Variants in RAF1 observed in about 807,000 individuals in gnomAD.
RAF1 encodes the protein Raf-1 proto-oncogene, serine/threonine kinase, also known as RAF proto-oncogene serine/threonine-protein kinase.
In RAF1, 27 loss-of-function variants were observed where a neutral mutation model predicts 81.1. That is an observed-to-expected ratio of 0.33 (90% CI 0.25 to 0.46). RAF1 has a LOEUF of 0.46. Ranked by LOEUF, RAF1 falls within the 20% of genes least tolerant of loss-of-function variation. RAF1 has a pLI of 1.00. For synonymous variants in RAF1, 298 were observed against 294.0 expected (o/e 1.01, Z -0.14); for missense variants, 598 against 826.0 (o/e 0.72, Z 3.38).
chr3:12,663,616 C>T (rs1330791708), intron 1 of RAF1, among the ~76,000 whole-genome samples, 197 bp downstream of exon 1: 1 of 152,010 alleles, frequency 6.6e-6, no homozygotes, highest in Non-Finnish European at 1.5e-5. Flanking sequence ...GGGAACTCGG[C>T]TCGCCGGCCA....
In RAF1 at chr3:12,590,890, G is replaced by T. The variant is rs762848132; in HGVS notation, c.1338C>A (p.Gly446=). Reference sequence around the variant, plus strand: ...CATGCAGGTGTTTGTAGAGGCTGCTGCCCTCGCACCACTGGGTCACAATTG... The same window carrying T: ...CATGCAGGTGTTTGTAGAGGCTGCTTCCCTCGCACCACTGGGTCACAATTG... Residue 446 remains glycine, a synonymous_variant, in exon 13 of 18, where the codon GGC becomes GGA. Transcript: ENST00000442415. 6.2e-7 allele frequency: 1 copy of T among 1,612,998 alleles called. No individual in the cohort carries two copies. Among genetic ancestry groups the T allele is most frequent in the Non-Finnish European group, 8.5e-7 (1 of 1,178,968 alleles).
chr3:12,659,004 G>T (rs995904307), intron 1 of RAF1, among the ~76,000 whole-genome samples: 1 of 152,092 alleles, frequency 6.6e-6, no homozygotes, highest in African/African-American at 2.4e-5. Flanking sequence ...TTAGAGCTAC[G>T]CAAGTCATTC....
intron 1 of RAF1, among the ~76,000 whole-genome samples, chr3:12,619,930 A>C (rs1285574914): frequency 6.6e-6 from 1 of 151,700 alleles, no homozygotes; most frequent in Non-Finnish European, 1.5e-5. Context: ...AAAATACAAA[A>C]AATTAGCCAG....
intron 11 of RAF1, among the ~76,000 whole-genome samples, chr3:12,594,563 C>T (rs180893511): frequency 2.0e-4 from 30 of 152,320 alleles, no homozygotes; most frequent in Admixed American, 9.8e-4. Flanking sequence ...GCCAAGCCCA[C>T]GCAGTGACTT....
At position 12,600,281 on chromosome 3, in the gene RAF1, T is replaced by A. The variant is rs2125381004; in HGVS notation, c.923-2A>T. 1 of 1,614,122 alleles carries A rather than the reference T, an allele frequency of 6.2e-7. No homozygotes were observed. Among genetic ancestry groups the A allele is most frequent in the Non-Finnish European group, 8.5e-7 (1 of 1,180,028 alleles). ...TACTGGACAGGGCTGAAGGTGAGGC[T>A]TAATAGACAAGACAAACAGAAGCCA... is the stretch of plus-strand genomic sequence containing the variant. On this transcript the variant is annotated splice_acceptor_variant, in intron 9 of 17. Coordinates refer to ENST00000442415, the MANE Select transcript of RAF1 (RefSeq NM_001354689.3). LOFTEE classifies it high-confidence loss of function.
intron 1 of RAF1, among the ~76,000 whole-genome samples, chr3:12,657,782 T>G (rs562111136): frequency 1.3e-5 from 2 of 149,986 alleles, no homozygotes; most frequent in African/African-American, 2.5e-5. Context: ...AAAAAAAAAG[T>G]ACACAATAAA....
At chr3:12,595,171 G>A (rs921524265) in intron 11 of RAF1, among the ~76,000 whole-genome samples, 1 of 152,046 alleles carries the variant, frequency 6.6e-6, no homozygotes, top group Non-Finnish European at 1.5e-5. Context: ...GGGCTCAAGG[G>A]ATCCTCCCAC....
intron 10 of RAF1, 96 bp from the exon 10 acceptor site, chr3:12,599,904 A>C: frequency 8.2e-7 from 1 of 1,219,468 alleles, no homozygotes; most frequent in Admixed American, 1.7e-5. Flanking sequence ...ATCTGTTTCC[A>C]TATCTTTTAA....
At chr3:12,594,620 C>T (rs564898343) in intron 11 of RAF1, among the ~76,000 whole-genome samples, 4 of 152,304 alleles carry the variant, frequency 2.6e-5, no homozygotes, top group African/African-American at 7.2e-5. Context: ...TTTCCACACA[C>T]GTTATCATTA....
intron 8 of RAF1, among the ~76,000 whole-genome samples, chr3:12,603,003 G>A (rs1254558682): frequency 6.6e-6 from 1 of 152,096 alleles, no homozygotes; most frequent in East Asian, 1.9e-4. Context: ...ATTAGCCTTT[G>A]GTTGGAATTG....
Position 12,584,509 on chromosome 3 carries a change from G to A in RAF1, c.*5C>T, listed in dbSNP as rs2125315531. The A allele has an allele frequency of 6.2e-7, 1 of 1,614,224 alleles. No individual in the cohort carries two copies. Reference sequence around the variant, plus strand: ...CTGGCAGCCTGAAGACAGGTGCAAAGTCAACTAGAAGACAGGCAGCCTCGG... The same window carrying A: ...CTGGCAGCCTGAAGACAGGTGCAAAATCAACTAGAAGACAGGCAGCCTCGG... On this transcript the variant is annotated 3_prime_UTR_variant, in exon 18 of 18. Transcript: ENST00000442415.
chr3:12,634,189 C>T (rs1197391612), intron 1 of RAF1, among the ~76,000 whole-genome samples: 1 of 151,012 alleles, frequency 6.6e-6, no homozygotes, highest in African/African-American at 2.4e-5. Context: ...GCTCTATCAC[C>T]CATGCTGGAG....
intron 3 of RAF1, among the ~76,000 whole-genome samples, chr3:12,611,562 C>A (rs1442700093): frequency 6.6e-6 from 1 of 151,964 alleles, no homozygotes; most frequent in Admixed American, 6.6e-5. Context: ...TAGCCGGGCG[C>A]GGTGGTGGGC....
rs112727177 is a variant in RAF1 at position 12,607,788 on chromosome 3, TA to T, written c.581+977del. ...CAAGATGGTGAAACCTCATCTCTAC[TA>T]AAACTACAAAAATTAGCTGGGCGTG... On this transcript the variant is annotated intron_variant, in intron 5 of 17. Coordinates refer to ENST00000442415, the MANE Select transcript of RAF1 (RefSeq NM_001354689.3). Among the ~76,000 whole-genome samples, 710 of 151,308 alleles carry T rather than the reference TA, an allele frequency of 4.7e-3. 6 individuals carry two copies. The highest frequency in any genetic ancestry group is 0.016 in the African/African-American group (659 of 41,218).
intron 1 of RAF1, among the ~76,000 whole-genome samples, chr3:12,630,370 C>G (rs2059826237): frequency 6.6e-6 from 1 of 152,108 alleles, no homozygotes; most frequent in African/African-American, 2.4e-5. Flanking sequence ...GTTCAAGATG[C>G]TTGGGCTACC....
intron 1 of RAF1, among the ~76,000 whole-genome samples, chr3:12,658,667 C>G (rs1223884562): frequency 6.6e-6 from 1 of 152,100 alleles, no homozygotes; most frequent in African/African-American, 2.4e-5. Flanking sequence ...CATTTATTAA[C>G]AAAAAATGTA....
rs544217728 is a variant in RAF1, at chr3:12,625,693, G to T, written c.-26-6946C>A. 2.2e-4 allele frequency among the ~76,000 whole-genome samples: 31 copies of T among 143,340 alleles called. No homozygotes were observed. The East Asian group carries it at 3.9e-3, about 18-fold the overall frequency. 94.0% of individuals were successfully genotyped at this position (143,340 alleles called of 152,430 possible). A position where few individuals can be genotyped will look rare whatever the true frequency, so the allele number is the denominator to read the frequency against. On this transcript the variant is annotated intron_variant, in intron 1 of 17. Coordinates refer to ENST00000442415, the MANE Select transcript of RAF1 (RefSeq NM_001354689.3). ...CAGTACATTAGCTGAAGGTCTAAGT[G>T]AAAGAATATTTACCCCCAGCTACTT...
chr3:12,603,324 T>G (rs1215770569), intron 8 of RAF1, among the ~76,000 whole-genome samples: 1 of 152,062 alleles, frequency 6.6e-6, no homozygotes, highest in Non-Finnish European at 1.5e-5. Context: ...AAAAAAAATT[T>G]TAAAAAGAAA....
intron 2 of RAF1, 72 bp downstream of exon 2, chr3:12,618,443 G>T: frequency 6.6e-7 from 1 of 1,521,450 alleles, no homozygotes; most frequent in Non-Finnish European, 9.1e-7. Flanking sequence ...CTGTCTTTAA[G>T]TTGAACATGA....
Sources: gnomAD v4.1 joint callset for allele counts (sites outside exome capture counted in the v4.1 genomes callset) on GRCh38, gnomAD v4.1.1 for gene constraint, MANE v1.5 for transcripts, NCBI Gene and HGNC (gene_info 2026-07-23, HGNC 2026-07-21) for gene names.